CDKL3: variants seen among roughly 807,000 people sequenced by gnomAD.
The protein encoded by CDKL3 is cyclin dependent kinase like 3.
Under a neutral mutation model 69.3 loss-of-function variants are expected in CDKL3, and 65 were observed. The observed-to-expected ratio is 0.94, with a 90% CI of 0.77 to 1.15. The LOEUF (loss-of-function observed/expected upper bound fraction) is 1.15, where lower values mean the gene tolerates loss of function less well. CDKL3 is among the 50% of genes most tolerant of loss of function. CDKL3 has a pLI of 0.00. For synonymous variants in CDKL3, 202 were observed against 221.6 expected, an observed-to-expected ratio of 0.91 and a Z score of 0.79; for missense variants, 652 against 689.2, an observed-to-expected ratio of 0.95 and a Z score of 0.61.
chr5:134,331,032 G>C (rs557760029), intron 4 of CDKL3, among the ~76,000 whole-genome samples: 2 of 152,156 alleles, frequency 1.3e-5, no homozygotes, highest in Admixed American at 6.6e-5. Flanking sequence ...TTCTGCTCTC[G>C]TCTGCAGCTG....
chr5:134,319,188 G>C (rs372368398), intron 6 of CDKL3, 170 bp downstream of exon 6: 1 of 457,680 alleles, frequency 2.2e-6, no homozygotes, highest in Non-Finnish European at 3.7e-6. Context: ...AAAATTAGCC[G>C]GGCATGGTGG....
intron 4 of CDKL3, among the ~76,000 whole-genome samples, chr5:134,335,156 T>C (rs1265021830): frequency 2.0e-5 from 3 of 150,964 alleles, no homozygotes; most frequent in African/African-American, 4.9e-5. Flanking sequence ...TTTTTTTTTT[T>C]CCGCTTTCCA....
At chr5:134,326,739 C>G (rs1204326833) in intron 4 of CDKL3, among the ~76,000 whole-genome samples, 2 of 149,714 alleles carry the variant, frequency 1.3e-5, no homozygotes, top group African/African-American at 2.5e-5. Flanking sequence ...CTCCCAGGTT[C>G]AAGCGATTCT....
chr5:134,298,527 T>C lies in CDKL3; in HGVS notation c.*124A>G. On this transcript the variant is annotated 3_prime_UTR_variant, in exon 13 of 13. Transcript: ENST00000265334. ...TAAATGTTTTGCTAACAAAAAAAGC[T>C]GGATGATGCTCATGCACATGGATGG... is the stretch of plus-strand genomic sequence containing the variant. 1 of 1,452,002 alleles carries C rather than the reference T, an allele frequency of 6.9e-7. No homozygotes were observed. Among genetic ancestry groups the C allele is most frequent in the South Asian group, 1.7e-5 (1 of 60,454 alleles). 89.9% of individuals were successfully genotyped at this position (1,452,002 alleles called of 1,614,324 possible).
upstream of CDKL3, among the ~76,000 whole-genome samples, chr5:134,368,874 C>G (rs765167821): frequency 2.0e-5 from 3 of 151,644 alleles, no homozygotes; most frequent in Non-Finnish European, 4.4e-5. Context: ...TCCATCTCTA[C>G]AAAAAATTAG....
chr5:134,357,095 T>C (rs930009475), intron 3 of CDKL3, among the ~76,000 whole-genome samples: 32 of 152,324 alleles, frequency 2.1e-4, no homozygotes, highest in African/African-American at 7.2e-4. Context: ...TATCTACTTA[T>C]TTTGTATCCC....
At chr5:134,338,141 G>A (rs1418432023) in intron 4 of CDKL3, among the ~76,000 whole-genome samples, 1 of 151,434 alleles carries the variant, frequency 6.6e-6, no homozygotes, top group Admixed American at 6.6e-5. Flanking sequence ...GAAGTGAGAG[G>A]GAGTAAAACT....
chr5:134,371,473 TCGGCGGCGGCGGCGGCGGCGGCGG>T (rs34763898), upstream of CDKL3: 138 of 1,143,986 alleles, frequency 1.2e-4, no homozygotes, highest in Admixed American at 2.7e-4. Flanking sequence ...TTTGTCAGTC[TCGGCGGCGGCGGCGGCGGCGGCGG>T]CGGCGGCGAT....
intron 7 of CDKL3, among the ~76,000 whole-genome samples, chr5:134,311,073 T>C (rs1457772991): frequency 6.6e-6 from 1 of 152,210 alleles, no homozygotes; most frequent in African/African-American, 2.4e-5. Flanking sequence ...TTTTTAGAAA[T>C]ATGGCTGATT....
chr5:134,345,135 G>T (rs1486364411), intron 4 of CDKL3, among the ~76,000 whole-genome samples: 1 of 152,022 alleles, frequency 6.6e-6, no homozygotes, highest in East Asian at 1.9e-4. Context: ...GTTAGGGAGG[G>T]AGTTCAGAGG....
upstream of CDKL3, among the ~76,000 whole-genome samples, chr5:134,369,711 T>C (rs1323459096): frequency 2.0e-5 from 3 of 152,110 alleles, no homozygotes; most frequent in Non-Finnish European, 2.9e-5. Context: ...GCTGGGACTA[T>C]TGGTGTGCGC....
chr5:134,302,534 G>C, intron 12 of CDKL3, 56 bp downstream of exon 12: 1 of 860,294 alleles, frequency 1.2e-6, no homozygotes. Flanking sequence ...TTTATACACT[G>C]AGTCAAGTCC....
chr5:134,299,881 G>T, intron 12 of CDKL3: 1 of 599,570 alleles, frequency 1.7e-6, no homozygotes. Flanking sequence ...AAACTATTTA[G>T]CAATGTATTC....
chr5:134,325,162 A>T (rs555781054), intron 4 of CDKL3, among the ~76,000 whole-genome samples: 1 of 152,290 alleles, frequency 6.6e-6, no homozygotes, highest in African/African-American at 2.4e-5. Context: ...TGTGAGACAG[A>T]ATGCGACACT....
At chr5:134,299,984 T>C (rs1167887997) in intron 12 of CDKL3, among the ~76,000 whole-genome samples, 1 of 152,298 alleles carries the variant, frequency 6.6e-6, no homozygotes, top group East Asian at 1.9e-4. Flanking sequence ...ATTTAGTCTC[T>C]CTCTGGTTAT....
intron 4 of CDKL3, among the ~76,000 whole-genome samples, chr5:134,325,103 G>A (rs1773795787): frequency 6.6e-6 from 1 of 152,154 alleles, no homozygotes; most frequent in South Asian, 2.1e-4. Context: ...ACTTGAGCCT[G>A]GGAAATCAAA....
chr5:134,313,805 T>TA (rs1393218732), intron 6 of CDKL3, among the ~76,000 whole-genome samples: 2 of 152,074 alleles, frequency 1.3e-5, no homozygotes, highest in East Asian at 3.9e-4. Context: ...TTAAGTCTGT[T>TA]ACCTACTTAA....
intron 6 of CDKL3, among the ~76,000 whole-genome samples, chr5:134,312,792 C>A (rs1263026968): frequency 6.6e-6 from 1 of 152,164 alleles, no homozygotes; most frequent in Non-Finnish European, 1.5e-5. Context: ...GACGCCTAAT[C>A]CAGCACTCTT....
rs115197893 is a variant in CDKL3 at position 134,358,896 on chromosome 5, G to T, written c.360+1001C>A. ...CTCAAAATGCTGAGATTAGAGGTGTGAGCTACTATAGCCAGCCTACCAGCA... is the reference window on the plus strand; with the variant it reads ...CTCAAAATGCTGAGATTAGAGGTGTTAGCTACTATAGCCAGCCTACCAGCA... On this transcript the variant is annotated intron_variant, in intron 3 of 12. Transcript: ENST00000265334. 6.0e-3 allele frequency among the ~76,000 whole-genome samples: 911 copies of T among 152,226 alleles called. 6 individuals are homozygous for T. Among genetic ancestry groups the T allele is most frequent in the African/African-American group, 0.02 (845 of 41,540 alleles).
Sources: allele counts gnomAD v4.1 joint callset (sites outside exome capture counted in the v4.1 genomes callset), GRCh38; gene constraint gnomAD v4.1.1; transcripts MANE v1.5; gene names NCBI Gene and HGNC (gene_info 2026-07-23, HGNC 2026-07-21).